The following WARS1 variants were observed in gnomAD, a reference collection of about 807,000 sequenced individuals.
WARS1 encodes tryptophanyl-tRNA synthetase 1, also known as tryptophan--tRNA ligase, cytoplasmic.
WARS1 carries 17 observed loss-of-function variants against 47.8 expected under a neutral mutation model. The observed-to-expected ratio is 0.36, with a 90% CI of 0.24 to 0.53. The LOEUF (loss-of-function observed/expected upper bound fraction) is 0.53, where lower values mean the gene tolerates loss of function less well. WARS1 is among the 20% of genes least tolerant of loss of function. The pLI is 0.91. For missense variants in WARS1, 434 were observed against 608.0 expected (o/e 0.71, Z 3.01); for synonymous variants, 208 against 228.1 (o/e 0.91, Z 0.79).
At chr14:100,339,453 G>A (rs1250427352) in intron 9 of WARS1, among the ~76,000 whole-genome samples, 9 of 152,138 alleles carry the variant, frequency 5.9e-5, no homozygotes, top group East Asian at 1.9e-4. Flanking sequence ...AGCTGGGTGT[G>A]GTGGTGGGCG....
chr14:100,354,577 A>G lies in WARS1; in HGVS notation c.423-11T>C. ...ACCTGATTCATATCTCTAAAGGAAAAAGGAGAAGAGGAAGAGTGTGATTTT... is the reference window on the plus strand; with the variant it reads ...ACCTGATTCATATCTCTAAAGGAAAGAGGAGAAGAGGAAGAGTGTGATTTT... On this transcript the variant is annotated splice_polypyrimidine_tract_variant and intron_variant, in intron 4 of 10. Transcript: ENST00000392882. 6.2e-7 allele frequency: 1 copy of G among 1,600,658 alleles called. No individual in the cohort carries two copies. Among genetic ancestry groups the G allele is most frequent in the Non-Finnish European group, 8.5e-7 (1 of 1,174,872 alleles).
At position 100,373,229 on chromosome 14, in the gene WARS1, A is replaced by T. The variant is rs1056492671; in HGVS notation, c.-74+2054T>A. Among the ~76,000 whole-genome samples the T allele has an allele frequency of 3.9e-5, 6 of 152,280 alleles. No homozygotes were observed. The highest frequency in any genetic ancestry group is 8.8e-5 in the Non-Finnish European group (6 of 68,028). On this transcript the variant is annotated intron_variant, in intron 1 of 10. Transcript: ENST00000392882. This position sits in a 1 kb window ranked among gnomAD's most constrained non-coding sequence, Gnocchi z 4.4. ...TTTTTCCTCTAAGGTTTATCCTTAG[A>T]ATGTCTTTACTTGTTCCAGTTGAAG...
intron 10 of WARS1, among the ~76,000 whole-genome samples, chr14:100,336,081 T>C (rs1408585173): frequency 1.3e-4 from 19 of 151,852 alleles, no homozygotes; most frequent in Non-Finnish European, 1.5e-5. Flanking sequence ...CGAGACCATC[T>C]TGAATAAGAC....
Position 100,334,792 on chromosome 14 carries a change from A to T in WARS1, c.*83T>A. 1 of 1,523,096 alleles carries T rather than the reference A, an allele frequency of 6.6e-7. No individual in the cohort carries two copies. The highest frequency in any genetic ancestry group is 1.2e-5 in the South Asian group (1 of 80,922). The allele number at this position is 1,523,096 out of a possible 1,614,324, so 94.3% of individuals were successfully genotyped here. ...TAATTACCATGAGACAGAAGCCTAC[A>T]GGTGGCGGTGCTTTGACTGGGCTGG... On this transcript the variant is annotated 3_prime_UTR_variant, in exon 11 of 11. Coordinates refer to ENST00000392882, the MANE Select transcript of WARS1 (RefSeq NM_004184.4).
chr14:100,342,715 C>CT (rs1389060111), intron 8 of WARS1, 144 bp from the exon 9 acceptor site: 20,380 of 557,114 alleles, frequency 0.037, 17 homozygotes, highest in Middle Eastern at 0.049. Flanking sequence ...TCATCTTTTC[C>CT]TTTTTTTTTT....
At position 100,342,259 on chromosome 14, in the gene WARS1, G is replaced by A. The variant is rs531544995; in HGVS notation, c.1113+139C>T. ...CTTGAGTTCTGCAGGGAGCAAAGTT[G>A]GCAATCCTGGAGTTCAGCATTGCTA... On this transcript the variant is annotated intron_variant, in intron 9 of 10. Coordinates refer to ENST00000392882, the MANE Select transcript of WARS1 (RefSeq NM_004184.4). 2.3e-4 allele frequency: 277 copies of A among 1,202,432 alleles called. No homozygotes were observed. The African/African-American group carries it at 3.8e-3, about 16-fold the overall frequency. 74.5% of individuals were successfully genotyped at this position (1,202,432 alleles called of 1,614,324 possible). A position where few individuals can be genotyped will look rare whatever the true frequency, so the allele number is the denominator to read the frequency against.
At chr14:100,342,974 A>C (rs1894276978) in intron 8 of WARS1, among the ~76,000 whole-genome samples, 3 of 151,964 alleles carry the variant, frequency 2.0e-5, no homozygotes. Flanking sequence ...TCTCGCTGCA[A>C]CCTCTGCCTC....
intron 7 of WARS1, among the ~76,000 whole-genome samples, chr14:100,345,466 T>G (rs1158407656): frequency 6.6e-6 from 1 of 152,012 alleles, no homozygotes; most frequent in Non-Finnish European, 1.5e-5. Flanking sequence ...GAAGGCAGCA[T>G]GCTCGTTAAG....
At chr14:100,371,322 C>T (rs2140096168) in intron 1 of WARS1, among the ~76,000 whole-genome samples, 1 of 151,214 alleles carries the variant, frequency 6.6e-6, no homozygotes, top group South Asian at 2.1e-4. Context: ...TGGTGGCGCA[C>T]ACCTGTAGTT....
intron 3 of WARS1, 21 bp from the exon 4 acceptor site, chr14:100,360,683 A>G (rs1269673411): frequency 6.3e-7 from 1 of 1,580,634 alleles, no homozygotes; most frequent in Non-Finnish European, 8.7e-7. Context: ...AGAAAAGATG[A>G]CTTTCTTAGG....
At chr14:100,361,587 TGGC>T in intron 3 of WARS1, 118 bp downstream of exon 3, 1 of 968,554 alleles carries the variant, frequency 1.0e-6, no homozygotes, top group Non-Finnish European at 1.5e-6. Flanking sequence ...CATTTTTTCT[TGGC>T]ATTGAAGCTT....
intron 9 of WARS1, among the ~76,000 whole-genome samples, chr14:100,341,781 G>A (rs377508667): frequency 6.6e-6 from 1 of 152,202 alleles, no homozygotes; most frequent in Non-Finnish European, 1.5e-5. Context: ...ACGTTTCTCC[G>A]TTCTATGTCT....
intron 10 of WARS1, 173 bp downstream of exon 10, chr14:100,336,889 G>T: frequency 1.3e-6 from 1 of 795,600 alleles, no homozygotes. Flanking sequence ...TTGTTCATGA[G>T]GCTTCTGAGC....
chr14:100,338,068 G>A (rs1250845683), intron 9 of WARS1, among the ~76,000 whole-genome samples: 2 of 152,112 alleles, frequency 1.3e-5, no homozygotes, highest in Admixed American at 1.3e-4. Context: ...CCCACGAGAA[G>A]TGCTGTGCAG....
intron 2 of WARS1, among the ~76,000 whole-genome samples, chr14:100,367,906 A>G (rs995352707): frequency 2.0e-5 from 3 of 152,190 alleles, no homozygotes; most frequent in Non-Finnish European, 2.9e-5. Context: ...TTCCTTTGCA[A>G]TATTTTTTTC....
At chr14:100,371,426 G>T (rs932432606) in intron 1 of WARS1, among the ~76,000 whole-genome samples, 1 of 101,404 alleles carries the variant, frequency 9.9e-6, no homozygotes, top group African/African-American at 2.8e-5. Flanking sequence ...CCCCAGCCTG[G>T]GTGACAGAAA....
At position 100,337,077 on chromosome 14, in the gene WARS1, G is replaced by C; in HGVS notation, c.1239C>G (p.Leu413=). Residue 413 remains leucine, a synonymous_variant, in exon 10 of 11, where the codon CTC becomes CTG. Coordinates refer to ENST00000392882, the MANE Select transcript of WARS1 (RefSeq NM_004184.4). ...LTFFLEDDDK[L]EQIRKDYTSG... is the part of the protein sequence containing the mutation. ...CCCTGCTCACCTTCCTGATCTGCTC[G>C]AGCTTGTCGTCGTCCTCGAGGAAGA... 6.2e-7 allele frequency: 1 copy of C among 1,613,988 alleles called. No individual in the cohort carries two copies. Among genetic ancestry groups the C allele is most frequent in the Non-Finnish European group, 8.5e-7 (1 of 1,179,856 alleles).
intron 4 of WARS1, among the ~76,000 whole-genome samples, chr14:100,358,423 C>T (rs1004340756): frequency 1.1e-4 from 17 of 152,158 alleles, no homozygotes; most frequent in African/African-American, 3.9e-4. Flanking sequence ...TGAGCCACTG[C>T]GCCCAGCCAA....
intron 7 of WARS1, among the ~76,000 whole-genome samples, chr14:100,345,449 G>A (rs1291473989): frequency 2.0e-5 from 3 of 152,092 alleles, no homozygotes; most frequent in Admixed American, 6.5e-5. Flanking sequence ...TTGTTAAACA[G>A]ATGCTTGAAG....
Sources: allele counts gnomAD v4.1 joint callset (sites outside exome capture counted in the v4.1 genomes callset), GRCh38; gene constraint gnomAD v4.1.1; non-coding constraint Gnocchi (gnomAD v3.1); transcripts MANE v1.5; gene names NCBI Gene and HGNC (gene_info 2026-07-23, HGNC 2026-07-21).